CDH18: variants seen among roughly 807,000 people sequenced by gnomAD.
CDH18 encodes the protein cadherin 18, also known as cadherin-18.
Under a neutral mutation model 67.9 loss-of-function variants are expected in CDH18, and 31 were observed. That is an observed-to-expected ratio of 0.46 (90% CI 0.34 to 0.62). The LOEUF (loss-of-function observed/expected upper bound fraction) is 0.62. CDH18 is among the 20% of genes least tolerant of loss of function. The probability of loss-of-function intolerance (pLI) is 0.01; values close to 1 mark genes in which losing one functional copy is unlikely to be tolerated. For missense variants in CDH18, 890 were observed against 975.5 expected (o/e 0.91, Z 1.17); for synonymous variants, 362 against 347.2 (o/e 1.04, Z -0.48).
chr5:20,003,795 G>A (rs2150404472), intron 2 of CDH18, among the ~76,000 whole-genome samples: 1 of 152,280 alleles, frequency 6.6e-6, no homozygotes, highest in Non-Finnish European at 1.5e-5. Context: ...CTACTCGGGA[G>A]GCTGAGGCAG....
rs182267473 is a variant in CDH18, at chr5:19,599,877, A to G, written c.812-8633T>C. ...ACTCCAGCCTGGGCGACAGAGCGAG[A>G]CTGTGTCTCAATAAAAACAAGACAA... On this transcript the variant is annotated intron_variant, in intron 6 of 12. Transcript: ENST00000382275. 2.0e-5 allele frequency among the ~76,000 whole-genome samples: 3 copies of G among 152,260 alleles called. No homozygotes were observed. In the East Asian group the frequency reaches 5.8e-4, roughly 29 times the overall value.
intron 1 of CDH18, among the ~76,000 whole-genome samples, chr5:20,295,683 TGCCACTGCACTCTAGCCTCG>T (rs1167957781): frequency 6.6e-6 from 1 of 151,150 alleles, no homozygotes; most frequent in African/African-American, 2.4e-5. Flanking sequence ...GCCAAGGTTG[TGCCACTGCACTCTAGCCTCG>T]GCGACAGGTC....
chr5:20,239,423 T>G (rs1422419932), intron 2 of CDH18, among the ~76,000 whole-genome samples: 1 of 152,150 alleles, frequency 6.6e-6, no homozygotes, highest in Non-Finnish European at 1.5e-5. Flanking sequence ...GCTACTGCAC[T>G]TCAGCCTGGG....
intron 6 of CDH18, among the ~76,000 whole-genome samples, chr5:19,607,368 C>A (rs778749995): frequency 6.6e-6 from 1 of 151,028 alleles, no homozygotes; most frequent in Non-Finnish European, 1.5e-5. Flanking sequence ...GAAAAAACAA[C>A]AACAAAGGGT....
chr5:20,383,220 C>G (rs1744058545), intron 1 of CDH18, among the ~76,000 whole-genome samples: 1 of 152,030 alleles, frequency 6.6e-6, no homozygotes, highest in African/African-American at 2.4e-5. Flanking sequence ...TATATCTTAT[C>G]ATAATTTTAT....
At chr5:19,917,537 T>C (rs986607303) in intron 2 of CDH18, among the ~76,000 whole-genome samples, 2 of 152,178 alleles carry the variant, frequency 1.3e-5, no homozygotes, top group African/African-American at 2.4e-5. Context: ...TTTGTGTCCC[T>C]GCTTAATGGT....
intron 6 of CDH18, among the ~76,000 whole-genome samples, chr5:19,606,511 A>T (rs1748067265): frequency 6.6e-6 from 1 of 152,042 alleles, no homozygotes; most frequent in Admixed American, 6.6e-5. Context: ...TAGAACAAAA[A>T]TGTCAATGCT....
intron 1 of CDH18, among the ~76,000 whole-genome samples, chr5:20,536,222 T>C (rs1346048512): frequency 6.6e-6 from 1 of 151,810 alleles, no homozygotes; most frequent in South Asian, 2.1e-4. Flanking sequence ...TTGGAGAATG[T>C]GCTTTTTGTT....
chr5:20,268,140 T>C (rs973623551), intron 1 of CDH18, among the ~76,000 whole-genome samples: 2 of 152,244 alleles, frequency 1.3e-5, no homozygotes, highest in African/African-American at 4.8e-5. Context: ...CACTTTTTTA[T>C]GCCTGCATAG....
chr5:19,735,259 A>G (rs1339322504), intron 4 of CDH18, among the ~76,000 whole-genome samples: 2 of 152,134 alleles, frequency 1.3e-5, no homozygotes, highest in Admixed American at 6.5e-5. Context: ...CTTTAATCAC[A>G]TGGAATCTGA....
At chr5:20,450,060 G>T (rs549128523) in intron 1 of CDH18, among the ~76,000 whole-genome samples, 1 of 151,716 alleles carries the variant, frequency 6.6e-6, no homozygotes, top group Admixed American at 6.6e-5. Flanking sequence ...TTTTCTGGCC[G>T]GGTGCAGTGG....
chr5:20,186,682 A>T (rs1377845719), intron 2 of CDH18, among the ~76,000 whole-genome samples: 1 of 151,908 alleles, frequency 6.6e-6, no homozygotes. Flanking sequence ...GAAATGTTAG[A>T]TCCCTTGTAC....
chr5:20,476,347 G>A (rs1316884482), intron 1 of CDH18, among the ~76,000 whole-genome samples: 31 of 145,952 alleles, frequency 2.1e-4, no homozygotes, highest in African/African-American at 3.3e-4. Flanking sequence ...CATTACATTT[G>A]AAAAAAAAAA....
At chr5:20,211,742 C>T (rs1740370904) in intron 2 of CDH18, among the ~76,000 whole-genome samples, 1 of 152,148 alleles carries the variant, frequency 6.6e-6, no homozygotes, top group South Asian at 2.1e-4. Context: ...ACAAAAAGGA[C>T]ATCCACACCA....
At chr5:19,736,439 C>T (rs527890289) in intron 4 of CDH18, among the ~76,000 whole-genome samples, 18 of 151,844 alleles carry the variant, frequency 1.2e-4, no homozygotes, top group East Asian at 5.8e-4. Context: ...AGAATCACTA[C>T]GGAATAATAT....
intron 2 of CDH18, among the ~76,000 whole-genome samples, chr5:19,890,542 A>AC: frequency 6.6e-6 from 1 of 152,106 alleles, no homozygotes. Flanking sequence ...CACTGCACAG[A>AC]AAATGCAGAC....
At chr5:19,849,730 G>A (rs112623588) in intron 2 of CDH18, among the ~76,000 whole-genome samples, 47 of 12,892 alleles carry the variant, frequency 3.6e-3, no homozygotes, top group Non-Finnish European at 7.2e-3. Flanking sequence ...ATATATACAC[G>A]CATATATATA....
intron 2 of CDH18, among the ~76,000 whole-genome samples, chr5:20,064,263 T>A (rs987731066): frequency 2.0e-5 from 3 of 152,162 alleles, no homozygotes; most frequent in African/African-American, 7.2e-5. Context: ...GTTAGCTATT[T>A]GATTTAGGAT....
At chr5:19,876,620 C>T (rs986841288) in intron 2 of CDH18, among the ~76,000 whole-genome samples, 1 of 152,042 alleles carries the variant, frequency 6.6e-6, no homozygotes, top group African/African-American at 2.4e-5. Context: ...GGTGGGATTG[C>T]CTTTTAGATC....
Sources: allele counts gnomAD v4.1 joint callset (sites outside exome capture counted in the v4.1 genomes callset), GRCh38; gene constraint gnomAD v4.1.1; transcripts MANE v1.5; gene names NCBI Gene and HGNC (gene_info 2026-07-23, HGNC 2026-07-21).